Variants in VWA3B observed in about 807,000 individuals in gnomAD.
VWA3B encodes von Willebrand factor A domain containing 3B, also known as von Willebrand factor A domain-containing protein 3B.
Under a neutral mutation model 158.3 loss-of-function variants are expected in VWA3B, and 138 were observed. The ratio of observed to expected loss-of-function variants is 0.87; its 90% confidence interval spans 0.76 to 1.00. The LOEUF is 1.00. Ranked by LOEUF, VWA3B falls within the 50% of genes least tolerant of loss-of-function variation. The pLI, the probability that VWA3B is intolerant of heterozygous loss-of-function variation, is 0.00. For missense variants in VWA3B, 1,555 were observed against 1,565.1 expected (o/e 0.99, Z 0.11); for synonymous variants, 596 against 587.3 (o/e 1.01, Z -0.21).
Position 98,313,051 on chromosome 2 carries a change from C to T in VWA3B, c.*702C>T, listed in dbSNP as rs1410508544. On this transcript the variant is annotated 3_prime_UTR_variant, in exon 28 of 28. Coordinates refer to ENST00000477737, the MANE Select transcript of VWA3B (RefSeq NM_144992.5). ...TACTAACTTCAAAAATGAAATCGCTCCATCAAATTTCGTTTTTCTAGTCGG... is the reference window on the plus strand; with the variant it reads ...TACTAACTTCAAAAATGAAATCGCTTCATCAAATTTCGTTTTTCTAGTCGG... 1.3e-5 allele frequency: 2 copies of T among 152,110 alleles called. No individual in the cohort carries two copies. The highest frequency in any genetic ancestry group is 2.9e-5 in the Non-Finnish European group (2 of 68,034). 9.4% of individuals were successfully genotyped at this position (152,110 alleles called of 1,614,324 possible).
At chr2:98,271,344 A>G (rs1688188183) in intron 22 of VWA3B, among the ~76,000 whole-genome samples, 1 of 152,190 alleles carries the variant, frequency 6.6e-6, no homozygotes, top group Admixed American at 6.5e-5. Context: ...GCTCCCCATA[A>G]GTGTTAGCAA....
intron 2 of VWA3B, among the ~76,000 whole-genome samples, chr2:98,096,544 C>T (rs544969714): frequency 2.4e-4 from 37 of 152,334 alleles, no homozygotes; most frequent in South Asian, 8.3e-4. Flanking sequence ...GCTGGGATTA[C>T]AGGTGTGAGC....
intron 9 of VWA3B, among the ~76,000 whole-genome samples, chr2:98,184,746 G>A (rs1385304990): frequency 6.6e-6 from 1 of 152,250 alleles, no homozygotes; most frequent in African/African-American, 2.4e-5. Context: ...CCTCTGGAGT[G>A]GGGGCTGGTT....
intron 21 of VWA3B, among the ~76,000 whole-genome samples, chr2:98,264,936 A>G (rs943846676): frequency 2.6e-5 from 4 of 152,134 alleles, no homozygotes; most frequent in African/African-American, 9.7e-5. Context: ...TTTGGGTAGT[A>G]TGGACATTTT....
the VWA3B span, among the ~76,000 whole-genome samples, chr2:98,326,687 G>A: frequency 3.2e-3 from 494 of 152,244 alleles, no homozygotes; most frequent in African/African-American, 0.011. Context: ...AGCCCAGAAG[G>A]TCGAGGCTGC....
chr2:98,139,660 G>A (rs1309671430), intron 7 of VWA3B, among the ~76,000 whole-genome samples: 1 of 151,892 alleles, frequency 6.6e-6, no homozygotes, highest in East Asian at 1.9e-4. Context: ...CCTTTGTGTG[G>A]ACACTCTGTA....
chr2:98,129,598 T>G (rs1471043358), intron 6 of VWA3B, among the ~76,000 whole-genome samples: 3 of 152,146 alleles, frequency 2.0e-5, no homozygotes, highest in Non-Finnish European at 4.4e-5. Flanking sequence ...ACAAACTATC[T>G]TTTCAATGGC....
intron 12 of VWA3B, chr2:98,206,467 C>T (rs909651476): frequency 1.4e-5 from 5 of 352,382 alleles, no homozygotes; most frequent in African/African-American, 4.3e-5. Context: ...GGTGAGAGCA[C>T]AGTAAGGATT....
At chr2:98,165,967 G>A (rs1187250796) in intron 8 of VWA3B, among the ~76,000 whole-genome samples, 3 of 152,172 alleles carry the variant, frequency 2.0e-5, no homozygotes, top group Non-Finnish European at 4.4e-5. Flanking sequence ...GGAGTGTGTG[G>A]CCTGAATTGT....
downstream of VWA3B, among the ~76,000 whole-genome samples, chr2:98,316,255 T>G (rs1016090097): frequency 2.0e-5 from 3 of 152,258 alleles, no homozygotes; most frequent in Admixed American, 6.5e-5. Flanking sequence ...TCTTTGAGCA[T>G]GCACCTGTCT....
At chr2:98,278,342 C>T (rs1372516652) in intron 22 of VWA3B, among the ~76,000 whole-genome samples, 1 of 152,228 alleles carries the variant, frequency 6.6e-6, no homozygotes, top group Non-Finnish European at 1.5e-5. Flanking sequence ...GTACCCACAA[C>T]CCCTGGAGCC....
At chr2:98,232,834 G>T (rs1223157642) in intron 16 of VWA3B, among the ~76,000 whole-genome samples, 1 of 152,116 alleles carries the variant, frequency 6.6e-6, no homozygotes, top group East Asian at 1.9e-4. Context: ...ACCTGAGGTG[G>T]CAGCAGGGAT....
intron 8 of VWA3B, among the ~76,000 whole-genome samples, chr2:98,168,452 T>C (rs1272161368): frequency 6.6e-6 from 1 of 151,124 alleles, no homozygotes; most frequent in Non-Finnish European, 1.5e-5. Flanking sequence ...TTTCAAAAAA[T>C]TCTTTGAATG....
intron 5 of VWA3B, among the ~76,000 whole-genome samples, chr2:98,122,849 C>T (rs1675071936): frequency 6.6e-6 from 1 of 152,152 alleles, no homozygotes; most frequent in Non-Finnish European, 1.5e-5. Context: ...CCAGGGAAGT[C>T]CTATGGAAGA....
At chr2:98,134,583 GA>G (rs917340622) in intron 7 of VWA3B, among the ~76,000 whole-genome samples, 3 of 152,048 alleles carry the variant, frequency 2.0e-5, no homozygotes, top group African/African-American at 7.2e-5. Context: ...GCTGAAGACT[GA>G]ATAAACCCCA....
At chr2:98,102,836 T>C (rs1683181292) in intron 2 of VWA3B, among the ~76,000 whole-genome samples, 1 of 152,220 alleles carries the variant, frequency 6.6e-6, no homozygotes, top group African/African-American at 2.4e-5. Context: ...ACAAGTGAAA[T>C]TTATCTGGGC....
In VWA3B at chr2:98,228,076, C is replaced by G. The variant is rs1322671984; in HGVS notation, c.2020-126C>G. ...GGCCAAGATGAGAGGATCACTTGAG[C>G]CCAGGAGCTCAAGACCAGCGTGGGC... is the stretch of plus-strand genomic sequence containing the variant. On this transcript the variant is annotated intron_variant, in intron 14 of 27. Transcript: ENST00000477737. 4 of 1,075,396 alleles carry G rather than the reference C, an allele frequency of 3.7e-6. No individual in the cohort carries two copies. In the Admixed American group the frequency reaches 8.5e-5, roughly 23 times the overall value. The allele number at this position is 1,075,396 out of a possible 1,614,324, so 66.6% of individuals were successfully genotyped here.
At chr2:98,253,143 T>C (rs928309818) in intron 20 of VWA3B, among the ~76,000 whole-genome samples, 6 of 152,194 alleles carry the variant, frequency 3.9e-5, no homozygotes, top group African/African-American at 1.4e-4. Flanking sequence ...TTGGTATAAA[T>C]GTCAATTTCT....
At chr2:98,264,995 G>GTT (rs766342564) in intron 21 of VWA3B, among the ~76,000 whole-genome samples, 28,409 of 151,616 alleles carry the variant, frequency 0.19, 3,036 homozygotes, top group Admixed American at 0.34. Context: ...TTTTTATTAA[G>GTT]TCATAAGTTG....
Sources: gnomAD v4.1 joint callset for allele counts (sites outside exome capture counted in the v4.1 genomes callset) on GRCh38, gnomAD v4.1.1 for gene constraint, MANE v1.5 for transcripts, NCBI Gene and HGNC (gene_info 2026-07-23, HGNC 2026-07-21) for gene names.